AAGAB: variants seen among roughly 807,000 people sequenced by gnomAD.
AAGAB encodes alpha- and gamma-adaptin-binding protein p34.
Under a neutral mutation model 44.1 loss-of-function variants are expected in AAGAB, and 38 were observed. The ratio of observed to expected loss-of-function variants is 0.86; its 90% CI spans 0.67 to 1.13. The LOEUF (loss-of-function observed/expected upper bound fraction) is 1.13. Ranked by LOEUF, AAGAB falls within the 50% of genes most tolerant of loss-of-function variation. The pLI is 0.00. For synonymous variants in AAGAB, 131 were observed against 131.8 expected, an observed-to-expected ratio of 0.99 and a Z score of 0.04; for missense variants, 450 against 373.8, an observed-to-expected ratio of 1.20 and a Z score of -1.68.
rs143997767 is a variant in AAGAB, at chr15:67,246,463, C to T, written c.73+8096G>A. 2.5e-3 allele frequency among the ~76,000 whole-genome samples: 386 copies of T among 151,734 alleles called. 5 individuals carry two copies. The highest frequency in any genetic ancestry group is 0.012 in the East Asian group (62 of 5,172). On this transcript the variant is annotated intron_variant, in intron 1 of 9. Coordinates refer to ENST00000261880, the MANE Select transcript of AAGAB (RefSeq NM_024666.5). Reference sequence around the variant, plus strand: ...CCATCTTAATCTATATCAATATTGACTCCTGAATAAGAATTATTAGAAACG... The same window carrying T: ...CCATCTTAATCTATATCAATATTGATTCCTGAATAAGAATTATTAGAAACG...
chr15:67,214,341 T>C (rs1227392502), intron 5 of AAGAB, among the ~76,000 whole-genome samples: 1 of 152,224 alleles, frequency 6.6e-6, no homozygotes, highest in African/African-American at 2.4e-5. Context: ...GAGGCATTGG[T>C]CACATAAAAC....
chr15:67,246,024 G>A (rs904165619), intron 1 of AAGAB, among the ~76,000 whole-genome samples: 3 of 152,136 alleles, frequency 2.0e-5, no homozygotes, highest in Non-Finnish European at 4.4e-5. Context: ...AGGTCTGTAT[G>A]GAAAATTAAA....
intron 5 of AAGAB, among the ~76,000 whole-genome samples, chr15:67,222,324 A>T (rs192783611): frequency 1.3e-4 from 19 of 148,874 alleles, no homozygotes; most frequent in African/African-American, 4.6e-4. Context: ...ATAATACCAA[A>T]TTTCAAGTTG....
intron 7 of AAGAB, among the ~76,000 whole-genome samples, chr15:67,205,309 C>T (rs923601268): frequency 1.6e-4 from 24 of 152,134 alleles, no homozygotes; most frequent in African/African-American, 5.6e-4. Flanking sequence ...GTGTTAAAAA[C>T]GCATCTTGGT....
chr15:67,211,588 G>A (rs549555641), intron 5 of AAGAB, among the ~76,000 whole-genome samples: 2 of 152,332 alleles, frequency 1.3e-5, no homozygotes, highest in South Asian at 4.1e-4. Context: ...CTGTCATTAA[G>A]ATACATGAGT....
Position 67,247,220 on chromosome 15 carries a change from G to C in AAGAB, c.73+7339C>G, listed in dbSNP as rs186673493. On this transcript the variant is annotated intron_variant, in intron 1 of 9. Coordinates refer to ENST00000261880, the MANE Select transcript of AAGAB (RefSeq NM_024666.5). ...AAGAAACTCCGGACACTCACAACGA[G>C]GGTTCACGGCTTCATTCTTGAAGTC... Among the ~76,000 whole-genome samples the C allele has an allele frequency of 1.1e-4, 16 of 152,270 alleles. No homozygotes were observed. In the East Asian group the frequency reaches 2.7e-3, roughly 26 times the overall value.
intron 4 of AAGAB, among the ~76,000 whole-genome samples, chr15:67,233,277 G>A (rs1399372198): frequency 6.6e-6 from 1 of 152,192 alleles, no homozygotes; most frequent in Admixed American, 6.5e-5. Flanking sequence ...GACAGGCAAA[G>A]GGTCATTACG....
At position 67,224,869 on chromosome 15, in the gene AAGAB, C is replaced by T. The variant is rs113461101; in HGVS notation, c.535+6945G>A. On this transcript the variant is annotated intron_variant, in intron 5 of 9. Transcript: ENST00000261880. ...GTGCTGGGATTACAGGCATGAGCCA[C>T]CGCACCTGGCCAAAAGTCACTTTTC... is the stretch of plus-strand genomic sequence containing the variant. 2.1e-3 allele frequency among the ~76,000 whole-genome samples: 319 copies of T among 152,280 alleles called. 1 individual carries two copies. Among genetic ancestry groups the T allele is most frequent in the African/African-American group, 7.4e-3 (309 of 41,542 alleles).
intron 1 of AAGAB, among the ~76,000 whole-genome samples, chr15:67,242,003 A>G (rs1410575345): frequency 6.6e-6 from 1 of 152,244 alleles, no homozygotes; most frequent in African/African-American, 2.4e-5. Context: ...AGGAGGCAGC[A>G]GAGTCTGACG....
In AAGAB at chr15:67,209,510, C is replaced by G. The variant is rs745359969; in HGVS notation, c.570G>C (p.Leu190Phe). Residue 190 changes from leucine (L) to phenylalanine (F), a missense_variant, in exon 6 of 10, where the codon TTG becomes TTC. By Grantham distance (22) the Leu-to-Phe change is conservative. Coordinates refer to ENST00000261880, the MANE Select transcript of AAGAB (RefSeq NM_024666.5). The stretch of plus-strand genomic sequence containing the variant: ...ACCCAATGCTATGGTTTGTTCCAGT[C>G]AATGAGTTGAGAAGGCTAAAGCCTT... ...RNQGFSLLNS[L>F]TGTNHSIGSA... The G allele has an allele frequency of 6.2e-7, 1 of 1,614,104 alleles. No individual in the cohort carries two copies. The highest frequency in any genetic ancestry group is 8.5e-7 in the Non-Finnish European group (1 of 1,180,006).
In AAGAB at chr15:67,236,779, T is replaced by A. The variant is rs1349722673; in HGVS notation, c.115A>T (p.Asn39Tyr). The A allele has an allele frequency of 6.2e-7, 1 of 1,611,890 alleles. No individual in the cohort carries two copies. Among genetic ancestry groups the A allele is most frequent in the South Asian group, 1.1e-5 (1 of 90,342 alleles). ...CAGGGATAAAATCTCACAGCATCAT[T>A]GGAAGTCACTTCCACAATAAGATCT... Reference protein sequence around the residue: ...TEDLIVEVTSNDAVRFYPWTI... With the variant: ...TEDLIVEVTSYDAVRFYPWTI... Residue 39 changes from asparagine (N) to tyrosine (Y), a missense_variant, in exon 2 of 10, where the codon AAT (asparagine) becomes TAT (tyrosine). Transcript: ENST00000261880.
chr15:67,237,626 C>T (rs1181907088), intron 1 of AAGAB, among the ~76,000 whole-genome samples: 2 of 151,916 alleles, frequency 1.3e-5, no homozygotes, highest in Non-Finnish European at 2.9e-5. Flanking sequence ...TTATGTTATA[C>T]AGTATTTACA....
intron 4 of AAGAB, among the ~76,000 whole-genome samples, chr15:67,233,445 C>A (rs998674583): frequency 2.0e-5 from 3 of 152,152 alleles, no homozygotes; most frequent in African/African-American, 7.2e-5. Context: ...GGGGATCCTG[C>A]AGATGTTGAG....
rs148732143 is a variant in AAGAB at position 67,241,589 on chromosome 15, C to T, written c.74-4769G>A. Among the ~76,000 whole-genome samples, 1,160 of 152,046 alleles carry T rather than the reference C, an allele frequency of 7.6e-3. 9 individuals are homozygous for T. The highest frequency in any genetic ancestry group is 0.012 in the Admixed American group (189 of 15,270). ...CAGCACAGACCTGGGGTCGGACAGGCCTGCATTTGCATGCTGGCTCTCTGC... is the reference window on the plus strand; with the variant it reads ...CAGCACAGACCTGGGGTCGGACAGGTCTGCATTTGCATGCTGGCTCTCTGC... On this transcript the variant is annotated intron_variant, in intron 1 of 9. Coordinates refer to ENST00000261880, the MANE Select transcript of AAGAB (RefSeq NM_024666.5).
rs749019807 is a variant in AAGAB at position 67,254,540 on chromosome 15, C to G, written c.73+19G>C. On this transcript the variant is annotated intron_variant, in intron 1 of 9. Transcript: ENST00000261880. ...GGCTCAGGGGCCTTGGAGGTCGGCCCAGGCGCCTATCTACTCACGTTGGAC... is the reference window on the plus strand; with the variant it reads ...GGCTCAGGGGCCTTGGAGGTCGGCCGAGGCGCCTATCTACTCACGTTGGAC... The G allele has an allele frequency of 6.3e-7, 1 of 1,597,050 alleles. No homozygotes were observed. The highest frequency in any genetic ancestry group is 2.2e-4 in the Middle Eastern group (1 of 4,562).
Position 67,236,733 on chromosome 15 carries a change from T to C in AAGAB, c.161A>G (p.Tyr54Cys), listed in dbSNP as rs199616452. Residue 54 changes from tyrosine (Y) to cysteine (C), a missense_variant, in exon 2 of 10, where the codon TAT becomes TGT. By Grantham distance (194) the Tyr-to-Cys change is radical (BLOSUM62 -2). Transcript: ENST00000261880. ...CACACATAGATTGATGTCTGCTGAA[T>C]AGTATTTATTATCAATGGTCCAGGG... ...FYPWTIDNKY[Y>C]SADINLCVVP... is the part of the protein sequence containing the mutation. 78 of 1,613,382 alleles carry C rather than the reference T, an allele frequency of 4.8e-5. No homozygotes were observed. In the African/African-American group the frequency reaches 8.1e-4, roughly 17 times the overall value.
chr15:67,230,265 C>T lies in AAGAB; in HGVS notation c.535+1549G>A, dbSNP rs188398054. The stretch of plus-strand genomic sequence containing the variant: ...TATACAGGAAGCAATTCCTAAAAGA[C>T]TGTGTTAATGGACTGAATTGTATCC... On this transcript the variant is annotated intron_variant, in intron 5 of 9. Coordinates refer to ENST00000261880, the MANE Select transcript of AAGAB (RefSeq NM_024666.5). Among the ~76,000 whole-genome samples the T allele has an allele frequency of 7.2e-5, 11 of 152,292 alleles. No homozygotes were observed. In the East Asian group the frequency reaches 2.1e-3, roughly 29 times the overall value.
At chr15:67,204,783 A>G (rs906141905) in intron 7 of AAGAB, among the ~76,000 whole-genome samples, 1 of 152,160 alleles carries the variant, frequency 6.6e-6, no homozygotes, top group African/African-American at 2.4e-5. Context: ...TTTTAATCAG[A>G]ATTTTAACTC....
rs764873967 is a variant in AAGAB, at chr15:67,231,843, T to A, written c.506A>T (p.Asn169Ile). Residue 169 changes from asparagine to isoleucine, a missense_variant, in exon 5 of 10, where the codon AAT (asparagine) becomes ATT (isoleucine). Physicochemically the swap from Asn to Ile is moderately radical, Grantham distance 149. Coordinates refer to ENST00000261880, the MANE Select transcript of AAGAB (RefSeq NM_024666.5). The part of the protein sequence containing the change: ...VKRIVQALNA[N>I]VWSNVVMKND... ...CTTCATCACTACATTGGACCACACA[T>A]TGGCATTCAGGGCTTGGACAATTCG... 1 of 1,612,580 alleles carries A rather than the reference T, an allele frequency of 6.2e-7. No individual in the cohort carries two copies. Among genetic ancestry groups the A allele is most frequent in the African/African-American group, 1.3e-5 (1 of 74,982 alleles).
Sources: gnomAD v4.1 joint callset for allele counts (sites outside exome capture counted in the v4.1 genomes callset) on GRCh38, gnomAD v4.1.1 for gene constraint, MANE v1.5 for transcripts, NCBI Gene and HGNC (gene_info 2026-07-23, HGNC 2026-07-21) for gene names.